The following DGKB variants were observed in gnomAD, a reference collection of about 807,000 sequenced individuals.
The protein encoded by DGKB is 90 kDa diacylglycerol kinase.
Under a neutral mutation model 114.3 loss-of-function variants are expected in DGKB, and 67 were observed. The ratio of observed to expected loss-of-function variants is 0.59; its 90% CI spans 0.48 to 0.72. DGKB has a LOEUF of 0.72. Among genes scored for constraint, DGKB ranks in the 30% least tolerant of loss-of-function variants. DGKB has a pLI of 0.00. For synonymous variants in DGKB, 398 were observed against 323.1 expected (o/e 1.23, Z -2.49); for missense variants, 907 against 975.2 (o/e 0.93, Z 0.93).
chr7:14,740,653 C>G (rs1436909499), intron 4 of DGKB, among the ~76,000 whole-genome samples: 1 of 152,112 alleles, frequency 6.6e-6, no homozygotes, highest in Non-Finnish European at 1.5e-5. Flanking sequence ...TGACTAATTC[C>G]TGCTGATTAA....
At chr7:14,159,969 G>A (rs1450048272) in intron 25 of DGKB, among the ~76,000 whole-genome samples, 1 of 152,036 alleles carries the variant, frequency 6.6e-6, no homozygotes, top group African/African-American at 2.4e-5. Flanking sequence ...CACTGTGCCT[G>A]GCCAATCATT....
chr7:14,200,675 C>G (rs561447476), intron 23 of DGKB, among the ~76,000 whole-genome samples: 18 of 152,072 alleles, frequency 1.2e-4, no homozygotes, highest in African/African-American at 4.3e-4. Context: ...CTTAGTAGAT[C>G]AATGTATGCC....
chr7:14,694,902 T>C (rs1823543062), intron 8 of DGKB, among the ~76,000 whole-genome samples: 1 of 152,192 alleles, frequency 6.6e-6, no homozygotes, highest in African/African-American at 2.4e-5. Context: ...GGAAATTATA[T>C]ATAAGTTCCA....
intron 23 of DGKB, among the ~76,000 whole-genome samples, chr7:14,185,832 T>C (rs898097568): frequency 6.6e-6 from 1 of 152,178 alleles, no homozygotes; most frequent in Non-Finnish European, 1.5e-5. Context: ...AGAATAAAAC[T>C]GGATCCTTAT....
intron 21 of DGKB, among the ~76,000 whole-genome samples, chr7:14,417,330 A>G (rs999750937): frequency 6.6e-6 from 1 of 152,080 alleles, no homozygotes; most frequent in African/African-American, 2.4e-5. Context: ...ACTGTGAAAT[A>G]ACTAGCAACT....
At chr7:14,428,389 A>T (rs1249250842) in intron 21 of DGKB, among the ~76,000 whole-genome samples, 2 of 152,038 alleles carry the variant, frequency 1.3e-5, no homozygotes, top group African/African-American at 4.8e-5. Context: ...TTGTGTCACT[A>T]TACATTCTGA....
chr7:14,534,417 A>T (rs925041664), intron 20 of DGKB, among the ~76,000 whole-genome samples: 12 of 152,152 alleles, frequency 7.9e-5, no homozygotes. Flanking sequence ...CAGACAAAAA[A>T]CAATGGACAA....
At chr7:14,729,882 G>C (rs1586046849) in intron 5 of DGKB, among the ~76,000 whole-genome samples, 1 of 152,204 alleles carries the variant, frequency 6.6e-6, no homozygotes, top group Non-Finnish European at 1.5e-5. Context: ...TAGATAGGAT[G>C]CATGAATTAA....
chr7:14,394,447 C>T (rs1821917527), intron 21 of DGKB, among the ~76,000 whole-genome samples: 1 of 152,062 alleles, frequency 6.6e-6, no homozygotes, highest in Non-Finnish European at 1.5e-5. Flanking sequence ...TGAATTGTTG[C>T]TTAAATATTT....
intron 23 of DGKB, among the ~76,000 whole-genome samples, chr7:14,185,732 T>A (rs556223885): frequency 6.6e-6 from 1 of 152,290 alleles, no homozygotes; most frequent in African/African-American, 2.4e-5. Flanking sequence ...AGCCAACTGA[T>A]CTTTGACAAA....
chr7:14,941,286 G>A (rs908059391), intron 1 of DGKB, among the ~76,000 whole-genome samples: 3 of 152,158 alleles, frequency 2.0e-5, no homozygotes, highest in African/African-American at 7.2e-5. Context: ...ATCTTAATCT[G>A]AGGTTGTGTG....
chr7:14,549,569 T>G (rs1794812829), intron 20 of DGKB, among the ~76,000 whole-genome samples: 1 of 152,216 alleles, frequency 6.6e-6, no homozygotes, highest in East Asian at 1.9e-4. Flanking sequence ...GGTTCAGTAT[T>G]CAAAACCCAT....
At chr7:14,796,285 A>G (rs1391990487) in intron 2 of DGKB, among the ~76,000 whole-genome samples, 6 of 152,200 alleles carry the variant, frequency 3.9e-5, no homozygotes, top group African/African-American at 1.2e-4. Context: ...CTCTACTTGA[A>G]GAAGATCAAT....
chr7:14,653,777 T>C (rs961538801), intron 13 of DGKB, among the ~76,000 whole-genome samples: 1 of 152,008 alleles, frequency 6.6e-6, no homozygotes, highest in Non-Finnish European at 1.5e-5. Context: ...GGAAAAAGTC[T>C]TACGATCATC....
intron 1 of DGKB, among the ~76,000 whole-genome samples, chr7:14,968,201 T>TAA (rs71549907): frequency 4.7e-5 from 7 of 147,808 alleles, no homozygotes; most frequent in African/African-American, 1.2e-4. Context: ...ATGGAGATTA[T>TAA]AAAAAAAAAA....
At chr7:14,413,704 T>C (rs1424802715) in intron 21 of DGKB, among the ~76,000 whole-genome samples, 5 of 152,074 alleles carry the variant, frequency 3.3e-5, no homozygotes, top group African/African-American at 1.2e-4. Context: ...AAGATGCAGA[T>C]AACAGAAATC....
chr7:14,376,743 T>C (rs1354981989), intron 21 of DGKB, among the ~76,000 whole-genome samples: 1 of 152,160 alleles, frequency 6.6e-6, no homozygotes, highest in African/African-American at 2.4e-5. Context: ...TGAGAAGCCA[T>C]TTTATGAACA....
intron 21 of DGKB, among the ~76,000 whole-genome samples, chr7:14,375,790 G>T (rs1818386709): frequency 6.6e-6 from 1 of 152,218 alleles, no homozygotes; most frequent in African/African-American, 2.4e-5. Flanking sequence ...AAGACTGGAA[G>T]TTCTTCGAGG....
At chr7:14,251,013 G>C (rs1308014822) in intron 23 of DGKB, among the ~76,000 whole-genome samples, 1 of 152,070 alleles carries the variant, frequency 6.6e-6, no homozygotes, top group Non-Finnish European at 1.5e-5. Flanking sequence ...TTCAATCTAT[G>C]TGTGTCCTTC....
Sources: allele counts gnomAD v4.1 joint callset (sites outside exome capture counted in the v4.1 genomes callset), GRCh38; gene constraint gnomAD v4.1.1; transcripts MANE v1.5; gene names NCBI Gene and HGNC (gene_info 2026-07-23, HGNC 2026-07-21).